Variants in DST observed in about 807,000 individuals in gnomAD.
DST encodes bullous pemphigoid antigen.
Under a neutral mutation model 875.2 loss-of-function variants are expected in DST, and 253 were observed. That is an observed-to-expected ratio of 0.29 (90% confidence interval 0.26 to 0.32). DST has a LOEUF of 0.32. DST is among the 10% of genes least tolerant of loss of function. DST has a pLI of 1.00. For missense variants in DST, 8,287 were observed against 9,111.6 expected, an observed-to-expected ratio of 0.91 and a Z score of 3.68; for synonymous variants, 3,124 against 3,197.1, an observed-to-expected ratio of 0.98 and a Z score of 0.77.
intron 5 of DST, among the ~76,000 whole-genome samples, chr6:56,711,390 G>T (rs1196864465): frequency 1.3e-5 from 2 of 152,016 alleles, no homozygotes; most frequent in Admixed American, 1.3e-4. Flanking sequence ...ACAGTCTGAG[G>T]TTAGGGTTGG....
At position 56,946,107 on chromosome 6, in the gene DST, T is replaced by C. The variant is rs563928100; in HGVS notation, c.216+7678A>G. The stretch of plus-strand genomic sequence containing the variant: ...TTTTAAGTAGGCCCAAGACAGGGAA[T>C]ATCAAGTTATAAGTAGGAAGAGGAT... On this transcript the variant is annotated intron_variant, in intron 2 of 103. Coordinates refer to ENST00000680361, the MANE Select transcript of DST (RefSeq NM_001374736.1). Among the ~76,000 whole-genome samples, 17 of 152,138 alleles carry C rather than the reference T, an allele frequency of 1.1e-4. No individual in the cohort carries two copies. In the South Asian group the frequency reaches 3.5e-3, roughly 32 times the overall value.
rs116469100 is a variant in DST, at chr6:56,618,682, T to C, written c.4930-4198A>G. The C allele has an allele frequency of 7.6e-5, 122 of 1,613,844 alleles. No homozygotes were observed. In the African/African-American group the frequency reaches 1.3e-3, roughly 17 times the overall value. On this transcript the variant is annotated intron_variant, in intron 36 of 103. Coordinates refer to ENST00000680361, the MANE Select transcript of DST (RefSeq NM_001374736.1). ...CATTTTCTTGGGCTCTAGAGTTTTC[T>C]TGTTGAAGAGACACAAAGTCAAGCC...
chr6:56,485,858 C>T (rs1057122594), intron 87 of DST, among the ~76,000 whole-genome samples: 3 of 152,102 alleles, frequency 2.0e-5, no homozygotes, highest in African/African-American at 7.2e-5. Context: ...GTAATCATCA[C>T]CACAATCAAG....
rs1427597822 is a variant in DST at position 56,460,123 on chromosome 6, A to G, written c.23194+8T>C. On this transcript the variant is annotated splice_region_variant and intron_variant, in intron 103 of 103. Transcript: ENST00000680361. ...AAGCCATTGAAAAAAGAAAGGCACC[A>G]CACTCACCAGCAAACTGTGTTCGGA... 3.1e-6 allele frequency: 5 copies of G among 1,606,928 alleles called. No homozygotes were observed. The African/African-American group carries it at 5.3e-5, about 17-fold the overall frequency.
chr6:56,481,754 T>C (rs1270475304), intron 90 of DST, among the ~76,000 whole-genome samples: 2 of 152,208 alleles, frequency 1.3e-5, no homozygotes, highest in African/African-American at 2.4e-5. Context: ...TTGACCAATT[T>C]TGGTCAAAAG....
chr6:56,860,198 T>C (rs1770275304), intron 3 of DST, among the ~76,000 whole-genome samples: 1 of 152,168 alleles, frequency 6.6e-6, no homozygotes. Context: ...GTATGATACC[T>C]GGCCCCTGGT....
At chr6:56,930,506 T>G (rs1291938447) in intron 2 of DST, among the ~76,000 whole-genome samples, 1 of 152,226 alleles carries the variant, frequency 6.6e-6, no homozygotes, top group Non-Finnish European at 1.5e-5. Context: ...ATCTTCCTTT[T>G]TGTATACAAT....
intron 4 of DST, among the ~76,000 whole-genome samples, chr6:56,757,193 G>A (rs1256671713): frequency 6.6e-6 from 1 of 152,136 alleles, no homozygotes; most frequent in African/African-American, 2.4e-5. Context: ...ACTAGAAATG[G>A]GATTTATTTT....
intron 2 of DST, among the ~76,000 whole-genome samples, chr6:56,942,699 CATTTCTCTTTTTT>C (rs1817251153): frequency 7.3e-6 from 1 of 137,666 alleles, no homozygotes; most frequent in Non-Finnish European, 1.5e-5. Flanking sequence ...TAATATTTGC[CATTTCTCTTTTTT>C]TTTTTTTTTT....
intron 3 of DST, chr6:56,864,062 A>C (rs569340856): frequency 2.0e-5 from 3 of 152,250 alleles, no homozygotes; most frequent in African/African-American, 7.2e-5. Flanking sequence ...GTGGACTTCA[A>C]GTAAAGCAGA....
chr6:56,511,549 CT>C, intron 72 of DST, 149 bp from the exon 73 acceptor site: 1 of 647,064 alleles, frequency 1.5e-6, no homozygotes, highest in Admixed American at 2.8e-5. Flanking sequence ...TCATACAGCT[CT>C]TTGCCAGGAA....
At position 56,498,026 on chromosome 6, in the gene DST, G is replaced by T. The variant is rs749528603; in HGVS notation, c.19924C>A (p.Gln6642Lys). 1.2e-6 allele frequency: 2 copies of T among 1,613,070 alleles called. No individual in the cohort carries two copies. The highest frequency in any genetic ancestry group is 4.5e-5 in the East Asian group (2 of 44,884). The change falls in exon 81 of 104, where the codon CAG becomes AAG. Residue 6642 changes from glutamine to lysine, a missense_variant. Gln to Lys is a moderately conservative substitution (Grantham distance 53). Around this residue, in one of 10 missense-constraint regions of DST, gnomAD observed 1,292 missense variants for 1,552.7 expected, o/e 0.83. Coordinates refer to ENST00000680361, the MANE Select transcript of DST (RefSeq NM_001374736.1). ...HVLQNDVLAH[Q>K]STVEAVNKAG... ...TTATTAACGGCTTCCACTGTGGACTGATGGGCTAATACATCATTTTGGAGC... is the reference window on the plus strand; with the variant it reads ...TTATTAACGGCTTCCACTGTGGACTTATGGGCTAATACATCATTTTGGAGC...
At chr6:56,501,268 A>C in intron 79 of DST, 33 bp from the exon 80 acceptor site, 1 of 1,554,514 alleles carries the variant, frequency 6.4e-7, no homozygotes, top group South Asian at 1.2e-5. Flanking sequence ...ATCCATTTAT[A>C]AATTTGATAT....
chr6:56,881,323 AT>A (rs67787718), intron 3 of DST, among the ~76,000 whole-genome samples: 18,734 of 151,972 alleles, frequency 0.12, 1,493 homozygotes, highest in Middle Eastern at 0.2. Context: ...AAATACAAAA[AT>A]TAGCCGGGCT....
Position 56,792,471 on chromosome 6 carries a change from AT to A in DST, c.626-57183del, listed in dbSNP as rs892290249. Among the ~76,000 whole-genome samples, 560 of 148,422 alleles carry A rather than the reference AT, an allele frequency of 3.8e-3. 4 individuals carry two copies. Among genetic ancestry groups the A allele is most frequent in the African/African-American group, 0.013 (519 of 40,612 alleles). ...AGATACCATCTCAACTAAATGATCG[AT>A]TTTTTTTTTTAAGAGATAGGGTCTC... On this transcript the variant is annotated intron_variant, in intron 4 of 103. Coordinates refer to ENST00000680361, the MANE Select transcript of DST (RefSeq NM_001374736.1).
At chr6:56,526,601 G>C (rs1397719459) in intron 68 of DST, 34 bp from the exon 69 acceptor site, 1 of 1,590,670 alleles carries the variant, frequency 6.3e-7, no homozygotes. Flanking sequence ...TAACACTTAA[G>C]AGCTTCAACA....
intron 82 of DST, among the ~76,000 whole-genome samples, chr6:56,494,850 T>G (rs543446534): frequency 6.6e-6 from 1 of 152,026 alleles, no homozygotes. Flanking sequence ...TACTTCTCAT[T>G]TAAAAAATTA....
At chr6:56,524,702 A>G (rs1039127634) in intron 69 of DST, among the ~76,000 whole-genome samples, 6 of 152,118 alleles carry the variant, frequency 3.9e-5, no homozygotes, top group African/African-American at 4.8e-5. Flanking sequence ...CAACCAGAAG[A>G]TATCAGTGGC....
chr6:56,629,845 C>G (rs1050299825), intron 31 of DST, among the ~76,000 whole-genome samples: 5 of 152,172 alleles, frequency 3.3e-5, no homozygotes, highest in African/African-American at 1.2e-4. Flanking sequence ...AATAGTTTCA[C>G]CACTTGCTAA....
Sources: allele counts gnomAD v4.1 joint callset (sites outside exome capture counted in the v4.1 genomes callset), GRCh38; gene constraint gnomAD v4.1.1; regional missense constraint gnomAD v4.1.1; transcripts MANE v1.5; gene names NCBI Gene and HGNC (gene_info 2026-07-23, HGNC 2026-07-21).